Variants in DMRT1 observed in about 807,000 individuals in gnomAD.
DMRT1 encodes the protein doublesex- and mab-3-related transcription factor 1.
Under a neutral mutation model 32.3 loss-of-function variants are expected in DMRT1, and 7 were observed. That is an observed-to-expected ratio of 0.22 (90% CI 0.12 to 0.41). The LOEUF (loss-of-function observed/expected upper bound fraction) is 0.41, where lower values mean the gene tolerates loss of function less well. Ranked by LOEUF, DMRT1 falls within the 10% of genes least tolerant of loss-of-function variation. DMRT1 has a pLI of 1.00. For missense variants in DMRT1, 625 were observed against 500.5 expected (o/e 1.25, Z -2.37); for synonymous variants, 278 against 206.1 (o/e 1.35, Z -2.99).
rs1183772813 is a variant in DMRT1, at chr9:965,295, A to G, written c.968-2690A>G. Among the ~76,000 whole-genome samples the G allele has an allele frequency of 6.6e-6, 1 of 152,234 alleles. No homozygotes were observed. The highest frequency in any genetic ancestry group is 1.5e-5 in the Non-Finnish European group (1 of 68,038). On this transcript the variant is annotated intron_variant, in intron 4 of 4. Coordinates refer to ENST00000382276, the MANE Select transcript of DMRT1 (RefSeq NM_021951.3). This position sits in a 1 kb window ranked among gnomAD's most constrained non-coding sequence, Gnocchi z 4.5. ...CTAAGCCTTGAACAAATGTAAAAAT[A>G]GCATGGGTTTAAATTTTGAGTGGAG...
At chr9:859,587 G>A (rs184265944) in intron 2 of DMRT1, among the ~76,000 whole-genome samples, 27 of 152,154 alleles carry the variant, frequency 1.8e-4, no homozygotes, top group Admixed American at 1.5e-3. Context: ...AATCCAATTC[G>A]GTGTTTTTGA....
rs181422255 is a variant in DMRT1, at chr9:864,447, C to T, written c.538+17304C>T. On this transcript the variant is annotated intron_variant, in intron 2 of 4. Coordinates refer to ENST00000382276, the MANE Select transcript of DMRT1 (RefSeq NM_021951.3). ...ACCTCAGGTGATCTGCCCGCCTTGT[C>T]CTCCCAAAGTGCTGAGATTACAGGC... Among the ~76,000 whole-genome samples the T allele has an allele frequency of 3.3e-3, 502 of 150,472 alleles. 5 individuals are homozygous for T. The highest frequency in any genetic ancestry group is 0.012 in the African/African-American group (478 of 40,938).
At chr9:865,967 C>G (rs1376200165) in intron 2 of DMRT1, among the ~76,000 whole-genome samples, 1 of 151,866 alleles carries the variant, frequency 6.6e-6, no homozygotes, top group Non-Finnish European at 1.5e-5. Flanking sequence ...AGTTCGAGAC[C>G]AGCCTGGCCA....
At chr9:874,966 C>T (rs966568190) in intron 2 of DMRT1, among the ~76,000 whole-genome samples, 12 of 151,836 alleles carry the variant, frequency 7.9e-5, no homozygotes, top group South Asian at 4.2e-4. Flanking sequence ...CGCCACCACG[C>T]CCGGCAAATT....
At chr9:928,312 G>A (rs898321516) in intron 4 of DMRT1, among the ~76,000 whole-genome samples, 1 of 152,134 alleles carries the variant, frequency 6.6e-6, no homozygotes, top group African/African-American at 2.4e-5. Context: ...GTTAAGTATA[G>A]CAGGATTGTT....
intron 4 of DMRT1, among the ~76,000 whole-genome samples, chr9:966,602 G>A (rs958956217): frequency 1.3e-5 from 2 of 152,166 alleles, no homozygotes; most frequent in Non-Finnish European, 2.9e-5. Context: ...GAAGAAGGGG[G>A]CCTTCTGAAA....
At chr9:888,074 C>G (rs999150169) in intron 2 of DMRT1, among the ~76,000 whole-genome samples, 3 of 152,170 alleles carry the variant, frequency 2.0e-5, no homozygotes, top group Non-Finnish European at 4.4e-5. Flanking sequence ...TGTTTTGTAT[C>G]TAACTGAATG....
In DMRT1 at chr9:965,170, A is replaced by C. The variant is rs1819893797; in HGVS notation, c.968-2815A>C. The stretch of plus-strand genomic sequence containing the variant: ...GATTTTGGACATTAGTCACTAAGGA[A>C]AAACACACTAAATCTTTTCACGTAC... On this transcript the variant is annotated intron_variant, in intron 4 of 4. Coordinates refer to ENST00000382276, the MANE Select transcript of DMRT1 (RefSeq NM_021951.3). The surrounding 1 kb of genome is among the most constrained non-coding windows in gnomAD (Gnocchi z 4.5). Among the ~76,000 whole-genome samples, 1 of 152,238 alleles carries C rather than the reference A, an allele frequency of 6.6e-6. No individual in the cohort carries two copies. The highest frequency in any genetic ancestry group is 2.4e-5 in the African/African-American group (1 of 41,474).
intron 4 of DMRT1, among the ~76,000 whole-genome samples, chr9:919,229 C>G (rs1294743102): frequency 6.6e-6 from 1 of 152,130 alleles, no homozygotes; most frequent in Non-Finnish European, 1.5e-5. Flanking sequence ...ACAGTGTTTT[C>G]AGTAGGTTTA....
chr9:858,472 C>T (rs1815499661), intron 2 of DMRT1, among the ~76,000 whole-genome samples: 1 of 152,110 alleles, frequency 6.6e-6, no homozygotes, highest in South Asian at 2.1e-4. Flanking sequence ...CCCTCAGGTA[C>T]CTACTTACTT....
At chr9:930,481 G>A (rs923446515) in intron 4 of DMRT1, among the ~76,000 whole-genome samples, 3 of 151,682 alleles carry the variant, frequency 2.0e-5, no homozygotes, top group African/African-American at 2.4e-5. Context: ...GTGCGATCTC[G>A]GCTCACTGCA....
chr9:868,244 G>T (rs1816076552), intron 2 of DMRT1, among the ~76,000 whole-genome samples: 4 of 150,702 alleles, frequency 2.7e-5, no homozygotes, highest in Middle Eastern at 3.4e-3. Context: ...CTCCCAGAGT[G>T]CTGGGATTAC....
chr9:860,360 C>A (rs1337844193), intron 2 of DMRT1, among the ~76,000 whole-genome samples: 1 of 151,788 alleles, frequency 6.6e-6, no homozygotes, highest in Non-Finnish European at 1.5e-5. Flanking sequence ...TTCAGTGAAG[C>A]AGATTGGATT....
intron 4 of DMRT1, among the ~76,000 whole-genome samples, chr9:961,889 T>C (rs73382412): frequency 0.054 from 8,268 of 152,254 alleles, 745 homozygotes; most frequent in African/African-American, 0.19. Context: ...CTATCTGTTA[T>C]TACCCCCTTT....
chr9:943,088 C>T (rs957845932), intron 4 of DMRT1, among the ~76,000 whole-genome samples: 12 of 151,366 alleles, frequency 7.9e-5, no homozygotes, highest in South Asian at 2.1e-4. Flanking sequence ...TAAGGATTTG[C>T]GTTTTGATAG....
chr9:954,157 C>A (rs900086736), intron 4 of DMRT1, among the ~76,000 whole-genome samples: 1 of 152,000 alleles, frequency 6.6e-6, no homozygotes, highest in Non-Finnish European at 1.5e-5. Flanking sequence ...ATAATAAGCA[C>A]GGGGAGAAGT....
chr9:944,541 A>G (rs911167544), intron 4 of DMRT1, among the ~76,000 whole-genome samples: 8 of 152,230 alleles, frequency 5.3e-5, no homozygotes, highest in African/African-American at 1.9e-4. Context: ...GATTGTTTGC[A>G]TTTTAAAAGG....
intron 2 of DMRT1, among the ~76,000 whole-genome samples, chr9:856,308 G>C (rs1402564738): frequency 2.0e-5 from 3 of 152,176 alleles, no homozygotes; most frequent in Non-Finnish European, 4.4e-5. Flanking sequence ...TGTCTCAAGT[G>C]TACAATTCAG....
chr9:851,780 A>G (rs1252901075), intron 2 of DMRT1, among the ~76,000 whole-genome samples: 1 of 152,180 alleles, frequency 6.6e-6, no homozygotes, highest in East Asian at 1.9e-4. Context: ...AAGACTGACC[A>G]GATTAACTGG....
Sources: allele counts gnomAD v4.1 joint callset (sites outside exome capture counted in the v4.1 genomes callset), GRCh38; gene constraint gnomAD v4.1.1; non-coding constraint Gnocchi (gnomAD v3.1); transcripts MANE v1.5; gene names NCBI Gene and HGNC (gene_info 2026-07-23, HGNC 2026-07-21).